Variants in KNDC1 observed in about 807,000 individuals in gnomAD.
KNDC1 encodes the protein kinase non-catalytic C-lobe domain containing 1.
A neutral mutation model predicts 172.8 loss-of-function variants in KNDC1; 106 were observed. That is an observed-to-expected ratio of 0.61 (90% confidence interval 0.52 to 0.72). KNDC1 has a LOEUF of 0.72. KNDC1 is among the 30% of genes least tolerant of loss of function. KNDC1 has a pLI of 0.00. For synonymous variants in KNDC1, 1,083 were observed against 1,062.2 expected (o/e 1.02, Z -0.38); for missense variants, 2,325 against 2,394.5 (o/e 0.97, Z 0.61).
intron 26 of KNDC1, among the ~76,000 whole-genome samples, chr10:133,215,381 G>A (rs1454175616): frequency 3.9e-5 from 6 of 152,154 alleles, no homozygotes; most frequent in Admixed American, 1.3e-4. Flanking sequence ...CTCCAAGCCC[G>A]CAGGCAACCC....
intron 29 of KNDC1, 90 bp downstream of exon 29, chr10:133,220,202 C>G (rs1246251482): frequency 3.0e-5 from 27 of 888,766 alleles, no homozygotes; most frequent in Non-Finnish European, 3.9e-5. Context: ...GGCGGCCGCG[C>G]GCCCAGGAGA....
chr10:133,199,726 C>T, intron 15 of KNDC1, 124 bp downstream of exon 15: 1 of 1,121,812 alleles, frequency 8.9e-7, no homozygotes, highest in Non-Finnish European at 1.3e-6. Flanking sequence ...GCTGCTGTCT[C>T]CAGAGGGGCT....
At position 133,195,860 on chromosome 10, in the gene KNDC1, A is replaced by G. The variant is rs748954354; in HGVS notation, c.1734+39A>G. ...AGTCATGGCCCCAGCCCAGGGTCCAAGGACTGTGGGCAGTGGCCGCCCTCG... is the reference window on the plus strand; with the variant it reads ...AGTCATGGCCCCAGCCCAGGGTCCAGGGACTGTGGGCAGTGGCCGCCCTCG... On this transcript the variant is annotated intron_variant, in intron 10 of 29. Coordinates refer to ENST00000304613, the MANE Select transcript of KNDC1 (RefSeq NM_152643.8). The G allele has an allele frequency of 1.3e-4, 188 of 1,476,642 alleles. No individual in the cohort carries two copies. The African/African-American group carries it at 2.4e-3, about 19-fold the overall frequency. The allele number at this position is 1,476,642 out of a possible 1,614,324, so 91.5% of individuals were successfully genotyped here. A position where few individuals can be genotyped will look rare whatever the true frequency, so the allele number is the denominator to read the frequency against.
chr10:133,193,079 G>C (rs891317467), intron 9 of KNDC1, among the ~76,000 whole-genome samples: 2 of 145,828 alleles, frequency 1.4e-5, no homozygotes, highest in African/African-American at 2.5e-5. Flanking sequence ...GAGAGAAACA[G>C]CAGCTTACAT....
intron 1 of KNDC1, among the ~76,000 whole-genome samples, chr10:133,166,651 G>A (rs879945067): frequency 2.0e-5 from 3 of 152,260 alleles, no homozygotes; most frequent in Admixed American, 2.0e-4. Context: ...AGCGTGCCCT[G>A]TGTTGGCGTG....
chr10:133,179,508 G>C (rs1162852625), intron 3 of KNDC1: 1 of 152,246 alleles, frequency 6.6e-6, no homozygotes, highest in Non-Finnish European at 1.5e-5. Flanking sequence ...GGGGCTTCCT[G>C]AAGCGAGACT....
At chr10:133,168,089 T>C (rs1001385168) in intron 2 of KNDC1, among the ~76,000 whole-genome samples, 165 bp from the exon 3 acceptor site, 2 of 152,194 alleles carry the variant, frequency 1.3e-5, no homozygotes, top group Non-Finnish European at 2.9e-5. Flanking sequence ...ATCATAACCG[T>C]TAAGGAGCTG....
At chr10:133,169,885 C>T (rs1182276832) in intron 3 of KNDC1, among the ~76,000 whole-genome samples, 4 of 152,236 alleles carry the variant, frequency 2.6e-5, no homozygotes, top group Non-Finnish European at 5.9e-5. Context: ...AGGCCGTGCC[C>T]GGTCCCCCTA....
At chr10:133,184,370 C>T (rs1037042963) in intron 5 of KNDC1, among the ~76,000 whole-genome samples, 1 of 151,496 alleles carries the variant, frequency 6.6e-6, no homozygotes, top group Non-Finnish European at 1.5e-5. Context: ...CACACCCATG[C>T]ACACACACAT....
intron 1 of KNDC1, among the ~76,000 whole-genome samples, chr10:133,161,067 ACC>A (rs1269313532): frequency 6.6e-6 from 1 of 150,396 alleles, no homozygotes; most frequent in African/African-American, 2.5e-5. Flanking sequence ...TTCACCCAAG[ACC>A]CCCCTACCCC....
Position 133,183,469 on chromosome 10 carries a change from C to T in KNDC1, c.486C>T (p.Pro162=), listed in dbSNP as rs754435465. The T allele has an allele frequency of 3.1e-6, 5 of 1,604,366 alleles. No homozygotes were observed. Among genetic ancestry groups the T allele is most frequent in the Admixed American group, 1.7e-5 (1 of 59,174 alleles). Residue 162 remains proline (P), a synonymous_variant, in exon 4 of 30, where the codon CCC becomes CCT. Transcript: ENST00000304613. ...ALLSRMQAED[P]GDRPDLESII... is the part of the protein sequence containing the mutation. The stretch of plus-strand genomic sequence containing the variant: ...TGAGCCGGATGCAGGCGGAGGACCC[C>T]GGGGACCGGCCGGACCTTGAGGTAA...
Position 133,186,134 on chromosome 10 carries a change from G to A in KNDC1, c.786G>A (p.Leu262=), listed in dbSNP as rs773116830. 5.8e-5 allele frequency: 93 copies of A among 1,597,116 alleles called. No individual in the cohort carries two copies. Among genetic ancestry groups the A allele is most frequent in the Non-Finnish European group, 5.8e-5 (68 of 1,172,636 alleles). ...RGPRASPTKA[L]LSTPVRNGES... ...CCAGAGCCTCCCCAACCAAGGCTCT[G>A]CTGTCCACCCCGGTGAGAAATGGCG... Residue 262 remains leucine (L), a synonymous_variant, in exon 6 of 30, where the codon CTG becomes CTA. Coordinates refer to ENST00000304613, the MANE Select transcript of KNDC1 (RefSeq NM_152643.8).
rs1853035037 is a variant in KNDC1, at chr10:133,163,244, A to G, written c.102+2675A>G. Among the ~76,000 whole-genome samples the G allele has an allele frequency of 6.6e-6, 1 of 152,190 alleles. No individual in the cohort carries two copies. Among genetic ancestry groups the G allele is most frequent in the Admixed American group, 6.5e-5 (1 of 15,284 alleles). Reference sequence around the variant, plus strand: ...GGTGCACCGGTTTGGGTGCCAGAGCAGGACGTGTCCCGGGTCCCTGAGAGG... The same window carrying G: ...GGTGCACCGGTTTGGGTGCCAGAGCGGGACGTGTCCCGGGTCCCTGAGAGG... On this transcript the variant is annotated intron_variant, in intron 1 of 29. Transcript: ENST00000304613. This position sits in a 1 kb window ranked among gnomAD's most constrained non-coding sequence, Gnocchi z 4.4.
At chr10:133,169,672 G>GGTGGCCGGGACATGGTGT (rs1161354707) in intron 3 of KNDC1, among the ~76,000 whole-genome samples, 4 of 152,160 alleles carry the variant, frequency 2.6e-5, no homozygotes, top group Non-Finnish European at 4.4e-5. Context: ...CACGTGGCCT[G>GGTGGCCGGGACATGGTGT]GTGGCCGGGA....
At chr10:133,189,499 GGCTGCCCGGCCTGACTGAGGCTCC>G (rs1473166177) in intron 7 of KNDC1, 75 bp from the exon 8 acceptor site, 2 of 1,154,328 alleles carry the variant, frequency 1.7e-6, no homozygotes, top group East Asian at 5.1e-5. Flanking sequence ...GAGGCTGGGG[GGCTGCCCGGCCTGACTGAGGCTCC>G]GCAGCTCCTT....
chr10:133,216,160 A>G (rs1407039174), intron 26 of KNDC1, among the ~76,000 whole-genome samples: 2 of 152,268 alleles, frequency 1.3e-5, no homozygotes, highest in African/African-American at 2.4e-5. Context: ...AGCAGTGATC[A>G]ATAAAAATGC....
Position 133,175,946 on chromosome 10 carries a change from G to A in KNDC1, c.361-7398G>A, listed in dbSNP as rs532215221. On this transcript the variant is annotated intron_variant, in intron 3 of 29. Coordinates refer to ENST00000304613, the MANE Select transcript of KNDC1 (RefSeq NM_152643.8). ...GGTGAATGCATGGATGGATGGGTGG[G>A]TGAATGGATGGGTGGATGGATGGAT... Among the ~76,000 whole-genome samples, 14 of 146,802 alleles carry A rather than the reference G, an allele frequency of 9.5e-5. No homozygotes were observed. In the South Asian group the frequency reaches 1.6e-3, roughly 17 times the overall value.
intron 4 of KNDC1, 152 bp downstream of exon 4, chr10:133,183,642 T>A: frequency 9.7e-7 from 1 of 1,026,202 alleles, no homozygotes; most frequent in Non-Finnish European, 1.4e-6. Flanking sequence ...GAGGACTTGG[T>A]TTTTTATTGT....
At chr10:133,166,572 G>A (rs1045758277) in intron 1 of KNDC1, among the ~76,000 whole-genome samples, 1 of 152,210 alleles carries the variant, frequency 6.6e-6, no homozygotes, top group Non-Finnish European at 1.5e-5. Flanking sequence ...GCATGAGTGT[G>A]TGTGTGTGAA....
Sources: gnomAD v4.1 joint callset for allele counts (sites outside exome capture counted in the v4.1 genomes callset) on GRCh38, gnomAD v4.1.1 for gene constraint, Gnocchi (gnomAD v3.1) non-coding constraint, MANE v1.5 for transcripts, NCBI Gene and HGNC (gene_info 2026-07-23, HGNC 2026-07-21) for gene names.